Variants in SH3BGRL2 observed in about 807,000 individuals in gnomAD.
The protein encoded by SH3BGRL2 is SH3 domain binding glutamate rich protein like 2.
A neutral mutation model predicts 14.8 loss-of-function variants in SH3BGRL2; 21 were observed. The observed-to-expected ratio is 1.42, with a 90% confidence interval of 1.01 to 2.05. SH3BGRL2 has a LOEUF of 2.05. Ranked by LOEUF, SH3BGRL2 falls within the 30% of genes most tolerant of loss-of-function variation. The pLI, the probability that SH3BGRL2 is intolerant of heterozygous loss-of-function variation, is 0.00. For synonymous variants in SH3BGRL2, 50 were observed against 47.8 expected (o/e 1.05, Z -0.19); for missense variants, 147 against 130.8 (o/e 1.12, Z -0.61).
chr6:79,579,102 A>G, the SH3BGRL2 span, among the ~76,000 whole-genome samples: 1 of 152,198 alleles, frequency 6.6e-6, no homozygotes, highest in East Asian at 1.9e-4. Flanking sequence ...AAGGTTAGAG[A>G]AAAAAGAGTA....
intron 2 of SH3BGRL2, among the ~76,000 whole-genome samples, chr6:79,692,604 T>A (rs551502826): frequency 7.9e-4 from 121 of 152,358 alleles, no homozygotes; most frequent in African/African-American, 2.9e-3. Flanking sequence ...CACCATTTAT[T>A]AAATAGAGAC....
At chr6:79,671,025 T>C (rs1769761265) in intron 1 of SH3BGRL2, among the ~76,000 whole-genome samples, 1 of 152,148 alleles carries the variant, frequency 6.6e-6, no homozygotes, top group Non-Finnish European at 1.5e-5. Flanking sequence ...CTGAGCACAT[T>C]GCTTTTCTAA....
At chr6:79,632,576 A>T (rs1280366792) in intron 1 of SH3BGRL2, among the ~76,000 whole-genome samples, 1 of 152,222 alleles carries the variant, frequency 6.6e-6, no homozygotes, top group East Asian at 1.9e-4. Context: ...GATGGAATAA[A>T]ATATTGTTTG....
At chr6:79,548,732 T>C in the SH3BGRL2 span, among the ~76,000 whole-genome samples, 2 of 152,140 alleles carry the variant, frequency 1.3e-5, no homozygotes, top group African/African-American at 2.4e-5. Flanking sequence ...TAGTATAAAC[T>C]AGGAGTGGGA....
chr6:79,563,515 A>G, the SH3BGRL2 span, among the ~76,000 whole-genome samples: 1 of 152,062 alleles, frequency 6.6e-6, no homozygotes, highest in African/African-American at 2.4e-5. Flanking sequence ...AAAATAGGAA[A>G]TGTGACACAA....
chr6:79,555,376 G>A, the SH3BGRL2 span, among the ~76,000 whole-genome samples: 1 of 152,096 alleles, frequency 6.6e-6, no homozygotes, highest in East Asian at 1.9e-4. Flanking sequence ...CTTGAACCCA[G>A]GAAGTAGAGG....
At chr6:79,566,924 A>G in the SH3BGRL2 span, among the ~76,000 whole-genome samples, 1 of 151,962 alleles carries the variant, frequency 6.6e-6, no homozygotes. Flanking sequence ...AGAAAGAAAC[A>G]AATTGCTTAT....
At chr6:79,555,537 AG>A in the SH3BGRL2 span, among the ~76,000 whole-genome samples, 3 of 152,192 alleles carry the variant, frequency 2.0e-5, no homozygotes, top group African/African-American at 7.2e-5. Context: ...TTTGAGGCGG[AG>A]TCTCAATCTG....
At chr6:79,578,703 C>G in the SH3BGRL2 span, among the ~76,000 whole-genome samples, 1 of 152,030 alleles carries the variant, frequency 6.6e-6, no homozygotes, top group African/African-American at 2.4e-5. Flanking sequence ...GAAGCCAGAG[C>G]AGAAAAGCTG....
At chr6:79,639,119 TC>T (rs1279628628) in intron 1 of SH3BGRL2, among the ~76,000 whole-genome samples, 1 of 152,174 alleles carries the variant, frequency 6.6e-6, no homozygotes, top group Admixed American at 6.5e-5. Flanking sequence ...CAATATTTCT[TC>T]CTTAGTTATT....
At chr6:79,609,995 C>G in the SH3BGRL2 span, among the ~76,000 whole-genome samples, 5 of 152,168 alleles carry the variant, frequency 3.3e-5, no homozygotes, top group South Asian at 2.1e-4. Flanking sequence ...AAATATCATT[C>G]TTCAACCTGT....
At chr6:79,675,345 T>A (rs1769859393) in intron 2 of SH3BGRL2, among the ~76,000 whole-genome samples, 1 of 152,190 alleles carries the variant, frequency 6.6e-6, no homozygotes, top group Non-Finnish European at 1.5e-5. Context: ...AATGCCATTT[T>A]CCTTGATTGT....
chr6:79,590,435 A>ATATATATATATATG, the SH3BGRL2 span, among the ~76,000 whole-genome samples: 1 of 85,554 alleles, frequency 1.2e-5, no homozygotes, highest in Non-Finnish European at 2.6e-5. Context: ...ATATATATAT[A>ATATATATATATATG]TATATATATA....
chr6:79,678,298 C>T (rs1769924926), intron 2 of SH3BGRL2, among the ~76,000 whole-genome samples: 1 of 152,108 alleles, frequency 6.6e-6, no homozygotes, highest in African/African-American at 2.4e-5. Flanking sequence ...CTCCCCTTTG[C>T]CCCCTTCCTC....
the SH3BGRL2 span, among the ~76,000 whole-genome samples, chr6:79,591,970 T>C: frequency 6.6e-6 from 1 of 152,186 alleles, no homozygotes. Context: ...TCATAGGTCT[T>C]TCATGTCTCT....
chr6:79,563,080 C>G, the SH3BGRL2 span, among the ~76,000 whole-genome samples: 1 of 151,980 alleles, frequency 6.6e-6, no homozygotes, highest in African/African-American at 2.4e-5. Context: ...CTCAGCCTCT[C>G]GAGGAGCTGG....
Position 79,673,641 on chromosome 6 carries a change from A to G in SH3BGRL2, c.73A>G (p.Arg25Gly). The change falls in exon 2 of 4, where the codon AGA (arginine) becomes GGA (glycine). Residue 25 changes from arginine (R) to glycine (G), a missense_variant. Arg to Gly is a moderately radical substitution (Grantham distance 125, BLOSUM62 -2). Transcript: ENST00000369838. Reference sequence around the variant, plus strand: ...AAAGAAGAAGCAGCAAGATGTGGTTAGATTTCTGGAAGCCAACAAGATAGA... The same window carrying G: ...AAAGAAGAAGCAGCAAGATGTGGTTGGATTTCTGGAAGCCAACAAGATAGA... ...AIKKKQQDVV[R>G]FLEANKIEFE... 1 of 1,614,144 alleles carries G rather than the reference A, an allele frequency of 6.2e-7. No homozygotes were observed. Among genetic ancestry groups the G allele is most frequent in the South Asian group, 1.1e-5 (1 of 91,076 alleles).
intron 1 of SH3BGRL2, among the ~76,000 whole-genome samples, chr6:79,666,180 G>A (rs1017454148): frequency 1.3e-5 from 2 of 152,110 alleles, no homozygotes; most frequent in African/African-American, 2.4e-5. Flanking sequence ...ACTTGTCGAG[G>A]GCCTGCCTTG....
chr6:79,546,778 C>T, the SH3BGRL2 span, among the ~76,000 whole-genome samples: 2 of 151,796 alleles, frequency 1.3e-5, no homozygotes, highest in East Asian at 1.9e-4. Context: ...CTGTAACCTC[C>T]GCCTGGGTTC....
Sources: gnomAD v4.1 joint callset for allele counts (sites outside exome capture counted in the v4.1 genomes callset) on GRCh38, gnomAD v4.1.1 for gene constraint, MANE v1.5 for transcripts, NCBI Gene and HGNC (gene_info 2026-07-23, HGNC 2026-07-21) for gene names.